Variants in RAB36 observed in about 807,000 individuals in gnomAD.
RAB36 encodes ras-related protein Rab-36.
RAB36 carries 33 observed loss-of-function variants against 39.3 expected under a neutral mutation model. That is an observed-to-expected ratio of 0.84 (90% CI 0.64 to 1.12). The LOEUF is 1.12. Among genes scored for constraint, RAB36 ranks in the 50% most tolerant of loss-of-function variants. RAB36 has a pLI of 0.00. For missense variants in RAB36, 308 were observed against 355.3 expected, an observed-to-expected ratio of 0.87 and a Z score of 1.07; for synonymous variants, 133 against 140.2, an observed-to-expected ratio of 0.95 and a Z score of 0.36.
In RAB36 at chr22:23,155,946, TTC is replaced by T. The variant is rs761338402; in HGVS notation, c.330-20_330-19del. On this transcript the variant is annotated intron_variant, in intron 5 of 10. Transcript: ENST00000263116. ...TTGTGTAGCCTGACACCATTTCCCT[TTC>T]TTTCTCACCCACCTCACAGCTGGGA... 1 of 1,599,772 alleles carries T rather than the reference TTC, an allele frequency of 6.3e-7. No homozygotes were observed. The highest frequency in any genetic ancestry group is 8.5e-7 in the Non-Finnish European group (1 of 1,172,874).
In RAB36 at chr22:23,162,574, A is replaced by G. The variant is rs1301612838; in HGVS notation, c.*1010A>G. On this transcript the variant is annotated 3_prime_UTR_variant, in exon 11 of 11. Transcript: ENST00000263116. The stretch of plus-strand genomic sequence containing the variant: ...CTCCAACACCGCCTCCTGCACATGC[A>G]GAGCAGACAGAAATACCCCACACAT... 5 of 450,308 alleles carry G rather than the reference A, an allele frequency of 1.1e-5. No individual in the cohort carries two copies. The highest frequency in any genetic ancestry group is 2.2e-5 in the Non-Finnish European group (5 of 222,362). 27.9% of individuals were successfully genotyped at this position (450,308 alleles called of 1,614,324 possible). A position where few individuals can be genotyped will look rare whatever the true frequency, so the allele number is the denominator to read the frequency against.
rs2071971998 is a variant in RAB36 at position 23,164,165 on chromosome 22, C to G, written c.*2601C>G. 1 of 152,390 alleles carries G rather than the reference C, an allele frequency of 6.6e-6. No homozygotes were observed. Among genetic ancestry groups the G allele is most frequent in the Non-Finnish European group, 1.5e-5 (1 of 68,074 alleles). 9.4% of individuals were successfully genotyped at this position (152,390 alleles called of 1,614,324 possible). Reference sequence around the variant, plus strand: ...GCATAAGCTTCACAGGACGGGAGAACCTGCCCATGGTGGACTGTCGTTCTC... The same window carrying G: ...GCATAAGCTTCACAGGACGGGAGAAGCTGCCCATGGTGGACTGTCGTTCTC... On this transcript the variant is annotated 3_prime_UTR_variant, in exon 11 of 11. Transcript: ENST00000263116.
At chr22:23,157,791 G>A (rs1158259278) in intron 6 of RAB36, among the ~76,000 whole-genome samples, 1 of 152,196 alleles carries the variant, frequency 6.6e-6, no homozygotes, top group African/African-American at 2.4e-5. Context: ...AGGCTGGGCT[G>A]CCGGGTGCAG....
chr22:23,165,973 T>C (rs888041784), downstream of RAB36, among the ~76,000 whole-genome samples: 167 of 151,938 alleles, frequency 1.1e-3, 2 homozygotes, highest in East Asian at 9.4e-3. Context: ...GGTGAAACCC[T>C]GTCTCTACTA....
intron 2 of RAB36, among the ~76,000 whole-genome samples, chr22:23,148,308 C>T (rs181028699): frequency 9.2e-5 from 14 of 152,262 alleles, no homozygotes; most frequent in African/African-American, 3.4e-4. Flanking sequence ...ACAGTGGTAA[C>T]TAGGGATGAC....
Position 23,146,702 on chromosome 22 carries a change from T to A in RAB36, c.69+17T>A, listed in dbSNP as rs1245587857. On this transcript the variant is annotated intron_variant, in intron 2 of 10. Coordinates refer to ENST00000263116, the MANE Select transcript of RAB36 (RefSeq NM_004914.5). ...TTCCCTAAGGTAGAGAGTCATTACG[T>A]CTGCAGTGCTCTCCTGGCCCTGCAG... 6.2e-7 allele frequency: 1 copy of A among 1,612,834 alleles called. No individual in the cohort carries two copies. The highest frequency in any genetic ancestry group is 1.7e-5 in the Admixed American group (1 of 59,944).
rs200000416 is a variant in RAB36, at chr22:23,154,689, C to G, written c.330-1279C>G. 3.2e-4 allele frequency among the ~76,000 whole-genome samples: 49 copies of G among 152,342 alleles called. No homozygotes were observed. The East Asian group carries it at 8.7e-3, about 27-fold the overall frequency. ...GCCTCTCATTGTCTTACATTGAGGC[C>G]TTTGCCAGCCTCCCTACGGGCTCAT... On this transcript the variant is annotated intron_variant, in intron 5 of 10. Transcript: ENST00000263116.
intron 5 of RAB36, among the ~76,000 whole-genome samples, chr22:23,153,879 G>A (rs1043406565): frequency 6.6e-6 from 1 of 151,840 alleles, no homozygotes; most frequent in South Asian, 2.1e-4. Context: ...AGTAGAGATG[G>A]GGTTTTACTA....
At chr22:23,145,463 C>A (rs963994690), upstream of RAB36, 3 of 1,610,098 alleles carry the variant, frequency 1.9e-6, no homozygotes, top group Non-Finnish European at 2.5e-6. Context: ...GCCCGCAGGT[C>A]CCGCGTGGCT....
intron 2 of RAB36, among the ~76,000 whole-genome samples, 192 bp downstream of exon 2, chr22:23,146,877 C>G (rs2070808114): frequency 1.3e-5 from 2 of 152,204 alleles, no homozygotes; most frequent in Non-Finnish European, 2.9e-5. Flanking sequence ...TGACACTGGG[C>G]AGCAGTGTGG....
chr22:23,160,293 C>T (rs1242591545), intron 9 of RAB36, among the ~76,000 whole-genome samples: 1 of 152,148 alleles, frequency 6.6e-6, no homozygotes, highest in African/African-American at 2.4e-5. Context: ...ACAGTGAGTT[C>T]ACCGACAGCT....
At chr22:23,157,316 T>C (rs2071511310) in intron 6 of RAB36, among the ~76,000 whole-genome samples, 1 of 151,754 alleles carries the variant, frequency 6.6e-6, no homozygotes, top group African/African-American at 2.4e-5. Flanking sequence ...AGTGGCGCAA[T>C]CTCGGCTCAC....
intron 7 of RAB36, among the ~76,000 whole-genome samples, chr22:23,158,493 T>G (rs921222366): frequency 1.3e-5 from 2 of 152,244 alleles, no homozygotes; most frequent in African/African-American, 4.8e-5. Context: ...ATCCTACTTC[T>G]GCTGGGAATC....
rs558699566 is a variant in RAB36 at position 23,158,169 on chromosome 22, G to A, written c.446+126G>A. On this transcript the variant is annotated intron_variant, in intron 7 of 10. Transcript: ENST00000263116. ...TGTGAGTGACCAGGGCCCCTTGTCA[G>A]AACCAGCTGCCCACGGACTACTTAC... is the stretch of plus-strand genomic sequence containing the variant. 1.5e-4 allele frequency: 232 copies of A among 1,517,652 alleles called. 1 individual carries two copies. The African/African-American group carries it at 3.0e-3, about 20-fold the overall frequency. 94.0% of individuals were successfully genotyped at this position (1,517,652 alleles called of 1,614,324 possible). A position where few individuals can be genotyped will look rare whatever the true frequency, so the allele number is the denominator to read the frequency against.
At chr22:23,157,659 C>A (rs2071531493) in intron 6 of RAB36, among the ~76,000 whole-genome samples, 1 of 152,232 alleles carries the variant, frequency 6.6e-6, no homozygotes, top group African/African-American at 2.4e-5. Flanking sequence ...AAAACTGAGG[C>A]TCTCAGCAGT....
intron 9 of RAB36, 110 bp downstream of exon 9, chr22:23,159,363 T>C: frequency 2.7e-6 from 3 of 1,097,160 alleles, no homozygotes; most frequent in Non-Finnish European, 3.9e-6. Context: ...CTGTTCCCTC[T>C]GTGGCCCTGG....
downstream of RAB36, among the ~76,000 whole-genome samples, chr22:23,166,919 G>A (rs922107282): frequency 9.9e-5 from 15 of 152,114 alleles, no homozygotes; most frequent in African/African-American, 3.4e-4. Flanking sequence ...CATTTATGGA[G>A]CACGCTCTTT....
rs1024119088 is a variant in RAB36 at position 23,159,226 on chromosome 22, G to A, written c.592G>A (p.Glu198Lys). ...AVHLAREMQA[E>K]YWSVSAKTGE... Reference sequence around the variant, plus strand: ...GCACCTGGCCAGGGAGATGCAGGCCGAGTACTGGTCAGTGTCGGCCAAGAC... The same window carrying A: ...GCACCTGGCCAGGGAGATGCAGGCCAAGTACTGGTCAGTGTCGGCCAAGAC... The change falls in exon 9 of 11, where the codon GAG becomes AAG. Residue 198 changes from glutamate to lysine, a missense_variant. Coordinates refer to ENST00000263116, the MANE Select transcript of RAB36 (RefSeq NM_004914.5). 20 of 1,602,956 alleles carry A rather than the reference G, an allele frequency of 1.2e-5. No individual in the cohort carries two copies. Among genetic ancestry groups the A allele is most frequent in the African/African-American group, 9.4e-5 (7 of 74,772 alleles).
rs1223339987 is a variant in RAB36, at chr22:23,164,981, C to T, written c.*3417C>T. Among the ~76,000 whole-genome samples the T allele has an allele frequency of 6.8e-6, 1 of 148,138 alleles. No homozygotes were observed. The highest frequency in any genetic ancestry group is 1.5e-5 in the Non-Finnish European group (1 of 67,132). On this transcript the variant is annotated 3_prime_UTR_variant, in exon 11 of 11. Transcript: ENST00000263116. ...GCAGATGCCAGACCCCTCTTCTGTGCCCAACGGCTGGGACACCCCTACTCC... is the reference window on the plus strand; with the variant it reads ...GCAGATGCCAGACCCCTCTTCTGTGTCCAACGGCTGGGACACCCCTACTCC...
Sources: gnomAD v4.1 joint callset for allele counts (sites outside exome capture counted in the v4.1 genomes callset) on GRCh38, gnomAD v4.1.1 for gene constraint, MANE v1.5 for transcripts, NCBI Gene and HGNC (gene_info 2026-07-23, HGNC 2026-07-21) for gene names.